SPATA7: variants seen among roughly 807,000 people sequenced by gnomAD.
SPATA7 encodes spermatogenesis-associated protein 7.
SPATA7 carries 43 observed loss-of-function variants against 51.8 expected under a neutral mutation model. That is an observed-to-expected ratio of 0.83 (90% CI 0.65 to 1.07). SPATA7 has a LOEUF of 1.07. Ranked by LOEUF, SPATA7 falls within the 50% of genes least tolerant of loss-of-function variation. The probability of loss-of-function intolerance (pLI) is 0.00; values close to 1 mark genes in which losing one functional copy is unlikely to be tolerated. For missense variants in SPATA7, 683 were observed against 701.3 expected, an observed-to-expected ratio of 0.97 and a Z score of 0.30; for synonymous variants, 230 against 252.8, an observed-to-expected ratio of 0.91 and a Z score of 0.86.
chr14:88,468,077 C>A (rs768631053), intron 4 of SPATA7: 6 of 1,580,106 alleles, frequency 3.8e-6, no homozygotes, highest in Non-Finnish European at 5.2e-6. Context: ...GTTAGGCAAG[C>A]GCTTTTTTTT....
chr14:88,429,464 G>C lies in SPATA7; in HGVS notation c.1028+1G>C. ...ATGCTCTTCAGCATTCCTCACCAAG[G>C]TAAACAGTTCACAGGAGAAATAATT... On this transcript the variant is annotated splice_donor_variant, in intron 8 of 11. Coordinates refer to ENST00000393545, the MANE Select transcript of SPATA7 (RefSeq NM_018418.5). LOFTEE classifies it high-confidence loss of function. 6.3e-7 allele frequency: 1 copy of C among 1,579,002 alleles called. No individual in the cohort carries two copies. The highest frequency in any genetic ancestry group is 1.3e-5 in the African/African-American group (1 of 74,270).
intron 2 of SPATA7, chr14:88,391,761 G>A: frequency 2.5e-6 from 1 of 397,722 alleles, no homozygotes; most frequent in Non-Finnish European, 4.7e-6. Flanking sequence ...TTAAAATGGT[G>A]AGTAGCAGGT....
intron 3 of SPATA7, among the ~76,000 whole-genome samples, chr14:88,445,519 T>C (rs904361119): frequency 3.9e-5 from 6 of 152,094 alleles, no homozygotes; most frequent in African/African-American, 1.5e-4. Context: ...CTTCCAACAC[T>C]GTGTTGAATA....
At chr14:88,408,616 T>C (rs1216105818) in intron 4 of SPATA7, among the ~76,000 whole-genome samples, 1 of 152,210 alleles carries the variant, frequency 6.6e-6, no homozygotes, top group Non-Finnish European at 1.5e-5. Context: ...TCTTGCCTGA[T>C]TGCCCTGGCC....
chr14:88,406,297 A>AT (rs2076196331), intron 4 of SPATA7, among the ~76,000 whole-genome samples: 2 of 152,126 alleles, frequency 1.3e-5, no homozygotes, highest in East Asian at 1.9e-4. Context: ...AGATTCACTG[A>AT]TTTTTTACTA....
chr14:88,424,240 C>T (rs73327418), intron 5 of SPATA7, among the ~76,000 whole-genome samples: 5,369 of 152,204 alleles, frequency 0.035, 310 homozygotes, highest in African/African-American at 0.12. Flanking sequence ...ATCCAAGTTT[C>T]ATGATATTCA....
chr14:88,431,071 A>G (rs2076925842), intron 8 of SPATA7, 101 bp from the exon 9 acceptor site: 2 of 1,062,218 alleles, frequency 1.9e-6, no homozygotes, highest in Non-Finnish European at 2.9e-6. Context: ...CCAAACATCT[A>G]AGATAAGGGC....
At chr14:88,417,303 G>GTT (rs1488232412) in intron 5 of SPATA7, among the ~76,000 whole-genome samples, 2 of 77,580 alleles carry the variant, frequency 2.6e-5, no homozygotes, top group Admixed American at 1.6e-4. Context: ...TAATCTGTGG[G>GTT]GTTTTTTTTT....
intron 4 of SPATA7, among the ~76,000 whole-genome samples, chr14:88,397,212 C>T (rs931472190): frequency 1.3e-5 from 2 of 152,204 alleles, no homozygotes; most frequent in Non-Finnish European, 2.9e-5. Context: ...TCTATAGCAG[C>T]TGCACCATTT....
downstream of SPATA7, among the ~76,000 whole-genome samples, chr14:88,441,247 T>C (rs769371681): frequency 6.6e-6 from 1 of 152,154 alleles, no homozygotes; most frequent in South Asian, 2.1e-4. Context: ...CACTTGTTGA[T>C]CGATGGGCAT....
At chr14:88,389,425 G>A (rs934416311) in intron 1 of SPATA7, among the ~76,000 whole-genome samples, 6 of 151,960 alleles carry the variant, frequency 3.9e-5, no homozygotes, top group Admixed American at 2.0e-4. Flanking sequence ...GCTGGTCTTT[G>A]AACTTCTGGG....
At position 88,429,385 on chromosome 14, in the gene SPATA7, T is replaced by C; in HGVS notation, c.950T>C (p.Ile317Thr). ...GTGACATATGATGCCAAAGAAAAAA[T>C]AGCTCCTTTACCTTTAGAAGGGCAT... ...NCVTYDAKEK[I>T]APLPLEGHDS... Residue 317 changes from isoleucine (I) to threonine (T), a missense_variant, in exon 8 of 12, where the codon ATA becomes ACA. Ile to Thr is a moderately conservative substitution (Grantham distance 89). Transcript: ENST00000393545. 1 of 1,612,518 alleles carries C rather than the reference T, an allele frequency of 6.2e-7. No individual in the cohort carries two copies. The highest frequency in any genetic ancestry group is 8.5e-7 in the Non-Finnish European group (1 of 1,178,872).
chr14:88,399,545 G>T (rs1365790857), intron 4 of SPATA7, among the ~76,000 whole-genome samples: 2 of 152,138 alleles, frequency 1.3e-5, no homozygotes, highest in East Asian at 3.9e-4. Flanking sequence ...GTAATTAGAT[G>T]ATTTCTAAGG....
chr14:88,433,134 G>A lies in SPATA7; in HGVS notation c.1083-1G>A, dbSNP rs1394583366. 9.9e-6 allele frequency: 16 copies of A among 1,610,168 alleles called. No homozygotes were observed. The highest frequency in any genetic ancestry group is 1.7e-5 in the Admixed American group (1 of 59,976). ...TGCTATATATTGCCTTCCTTTTACA[G>A]TGAAGAAGAACTGTTGTATCTGAGT... On this transcript the variant is annotated splice_acceptor_variant, in intron 9 of 11. Coordinates refer to ENST00000393545, the MANE Select transcript of SPATA7 (RefSeq NM_018418.5). LOFTEE classifies it high-confidence loss of function.
chr14:88,385,918 A>G (rs1181666953), intron 1 of SPATA7, 81 bp downstream of exon 1: 1 of 1,481,194 alleles, frequency 6.8e-7, no homozygotes, highest in South Asian at 1.2e-5. Context: ...CGGGCAGCTG[A>G]GTGCAAGGCC....
At chr14:88,431,151 A>G (rs753833055) in intron 8 of SPATA7, 21 bp from the exon 9 acceptor site, 40 of 1,612,256 alleles carry the variant, frequency 2.5e-5, no homozygotes, top group African/African-American at 4.0e-5. Context: ...TTGCTCAACT[A>G]CTTTAACTTC....
Position 88,426,284 on chromosome 14 carries a change from G to T in SPATA7, c.425G>T (p.Gly142Val). The change falls in exon 6 of 12, where the codon GGA becomes GTA. Residue 142 changes from glycine (G) to valine (V), a missense_variant. Gly to Val is a moderately radical substitution (Grantham distance 109, BLOSUM62 -3). Transcript: ENST00000393545. ...EDDMLKEEMNGFSSFARSLVP... is the reference protein window; with the variant it reads ...EDDMLKEEMNVFSSFARSLVP... ...GACATGTTAAAAGAAGAAATGAATG[G>T]ATTTTCATCCTTTGCAAGGTCACTA... The T allele has an allele frequency of 1.2e-6, 2 of 1,614,070 alleles. No homozygotes were observed. The highest frequency in any genetic ancestry group is 1.7e-6 in the Non-Finnish European group (2 of 1,180,004).
intron 4 of SPATA7, among the ~76,000 whole-genome samples, chr14:88,463,634 A>G (rs1458263981): frequency 6.6e-6 from 1 of 152,160 alleles, no homozygotes; most frequent in Non-Finnish European, 1.5e-5. Flanking sequence ...GCTAACACCA[A>G]GAGTATTGTT....
At chr14:88,427,557 T>C in intron 6 of SPATA7, 73 bp from the exon 7 acceptor site, 2 of 965,418 alleles carry the variant, frequency 2.1e-6, no homozygotes, top group Non-Finnish European at 3.2e-6. Flanking sequence ...TTATTTTTTC[T>C]AGCCAGTAAA....
Sources: gnomAD v4.1 joint callset for allele counts (sites outside exome capture counted in the v4.1 genomes callset) on GRCh38, gnomAD v4.1.1 for gene constraint, MANE v1.5 for transcripts, NCBI Gene and HGNC (gene_info 2026-07-23, HGNC 2026-07-21) for gene names.